ARHGEF18: variants seen among roughly 807,000 people sequenced by gnomAD.
The protein encoded by ARHGEF18 is Rho/Rac guanine nucleotide exchange factor 18.
A neutral mutation model predicts 155.7 loss-of-function variants in ARHGEF18; 93 were observed. The ratio of observed to expected loss-of-function variants is 0.60; its 90% CI spans 0.50 to 0.71. The LOEUF (loss-of-function observed/expected upper bound fraction) is 0.71, where lower values mean the gene tolerates loss of function less well. Ranked by LOEUF, ARHGEF18 falls within the 30% of genes least tolerant of loss-of-function variation. The probability of loss-of-function intolerance (pLI) is 0.00; values close to 1 mark genes in which losing one functional copy is unlikely to be tolerated. For missense variants in ARHGEF18, 1,593 were observed against 1,816.1 expected (o/e 0.88, Z 2.23); for synonymous variants, 742 against 753.1 (o/e 0.99, Z 0.24).
At position 7,464,604 on chromosome 19, in the gene ARHGEF18, C is replaced by T. The variant is rs750656837; in HGVS notation, c.2818C>T (p.Arg940Ter). 7 of 1,613,834 alleles carry T rather than the reference C, an allele frequency of 4.3e-6. No homozygotes were observed. The highest frequency in any genetic ancestry group is 1.1e-5 in the South Asian group (1 of 91,068). Residue 940 changes from arginine to a stop codon, truncating the protein, a stop_gained, in exon 23 of 29, where the codon CGA (arginine) becomes TGA (stop). Coordinates refer to ENST00000668164, the MANE Select transcript of ARHGEF18 (RefSeq NM_001367823.1). LOFTEE classifies it high-confidence loss of function. ...AGTCAGCAGCACTGACCCCAGGCCC[C>T]GAGACTGGCGAGGCCCCCCAAACAG... ...KKVSSTDPRP[R>*]DWRGPPNSPD...
chr19:7,404,652 G>T (rs1310430960), intron 10 of ARHGEF18, among the ~76,000 whole-genome samples: 1 of 151,854 alleles, frequency 6.6e-6, no homozygotes, highest in Non-Finnish European at 1.5e-5. Flanking sequence ...TAGAGATGGG[G>T]TTTTGCCATG....
chr19:7,362,610 G>A (rs565521436), intron 1 of ARHGEF18, among the ~76,000 whole-genome samples, 171 bp from the exon 2 acceptor site: 7 of 152,248 alleles, frequency 4.6e-5, no homozygotes, highest in East Asian at 3.9e-4. Context: ...GAGGTGACAC[G>A]TATGTTGGCT....
At chr19:7,353,708 T>A (rs1018030788) in intron 1 of ARHGEF18, among the ~76,000 whole-genome samples, 5 of 151,932 alleles carry the variant, frequency 3.3e-5, no homozygotes, top group South Asian at 2.1e-4. Flanking sequence ...ATCCCAGTAC[T>A]TTCGGAGGCC....
At chr19:7,421,460 A>G (rs1427698061) in intron 10 of ARHGEF18, among the ~76,000 whole-genome samples, 1 of 152,134 alleles carries the variant, frequency 6.6e-6, no homozygotes, top group South Asian at 2.1e-4. Flanking sequence ...ACTGCTCCCA[A>G]ATAGATATCC....
rs1970604327 is a variant in ARHGEF18 at position 7,379,114 on chromosome 19, C to T, written c.600-8C>T. The T allele has an allele frequency of 8.1e-7, 1 of 1,232,368 alleles. No individual in the cohort carries two copies. The highest frequency in any genetic ancestry group is 1.0e-6 in the Non-Finnish European group (1 of 988,198). The allele number at this position is 1,232,368 out of a possible 1,614,324, so 76.3% of individuals were successfully genotyped here. On this transcript the variant is annotated splice_polypyrimidine_tract_variant and splice_region_variant and intron_variant, in intron 6 of 28. Coordinates refer to ENST00000668164, the MANE Select transcript of ARHGEF18 (RefSeq NM_001367823.1). ...TGGGCTGTTCTAATCCCACCTCCACCCCCACAGGCTGATTGTCCAGCAGGT... is the reference window on the plus strand; with the variant it reads ...TGGGCTGTTCTAATCCCACCTCCACTCCCACAGGCTGATTGTCCAGCAGGT...
At chr19:7,437,378 C>T (rs1215811757) in intron 10 of ARHGEF18, among the ~76,000 whole-genome samples, 3 of 150,176 alleles carry the variant, frequency 2.0e-5, no homozygotes, top group Non-Finnish European at 3.0e-5. Flanking sequence ...GCTGAGATCA[C>T]GCCATTGCAC....
At chr19:7,400,662 T>C (rs1223983242) in intron 10 of ARHGEF18, among the ~76,000 whole-genome samples, 1 of 152,088 alleles carries the variant, frequency 6.6e-6, no homozygotes, top group Non-Finnish European at 1.5e-5. Context: ...GCAAGAATCC[T>C]ATCTCTACAA....
At chr19:7,375,383 A>AGG (rs1400626684) in intron 3 of ARHGEF18, among the ~76,000 whole-genome samples, 1,223 of 114,950 alleles carry the variant, frequency 0.011, 25 homozygotes, top group African/African-American at 0.033. Context: ...GGAAGAAAGA[A>AGG]AAGGAAGGAA....
rs1457648888 is a variant in ARHGEF18, at chr19:7,467,412, T to G, written c.3208T>G (p.Trp1070Gly). The change falls in exon 26 of 29, where the codon TGG becomes GGG. Residue 1070 changes from tryptophan to glycine, a missense_variant. Trp to Gly is a radical substitution (Grantham distance 184). Transcript: ENST00000668164. ...QSQLRHEQQR[W>G]ERERQWQHQE... ...CCAGCTGCGGCACGAGCAGCAGCGCTGGGAGCGCGAGCGCCAGTGGCAGCA... is the reference window on the plus strand; with the variant it reads ...CCAGCTGCGGCACGAGCAGCAGCGCGGGGAGCGCGAGCGCCAGTGGCAGCA... 2.7e-5 allele frequency: 42 copies of G among 1,532,462 alleles called. No homozygotes were observed. The highest frequency in any genetic ancestry group is 3.5e-5 in the Non-Finnish European group (40 of 1,145,654). 94.9% of individuals were successfully genotyped at this position (1,532,462 alleles called of 1,614,324 possible). A position where few individuals can be genotyped will look rare whatever the true frequency, so the allele number is the denominator to read the frequency against.
At chr19:7,433,955 G>A (rs1974110754) in intron 10 of ARHGEF18, among the ~76,000 whole-genome samples, 1 of 150,722 alleles carries the variant, frequency 6.6e-6, no homozygotes, top group South Asian at 2.1e-4. Context: ...GGAGGCGGAG[G>A]TTGCAGTGAA....
intron 10 of ARHGEF18, among the ~76,000 whole-genome samples, chr19:7,387,207 C>T (rs1429356357): frequency 1.3e-5 from 2 of 152,078 alleles, no homozygotes; most frequent in South Asian, 2.1e-4. Flanking sequence ...GGCTGGAGTA[C>T]GGTGGCGCGA....
At chr19:7,363,777 G>A (rs1267484517) in intron 2 of ARHGEF18, among the ~76,000 whole-genome samples, 1 of 151,484 alleles carries the variant, frequency 6.6e-6, no homozygotes, top group African/African-American at 2.4e-5. Context: ...AAGGAGGATG[G>A]ATAAATGAAA....
chr19:7,455,544 C>G (rs1975774775), intron 17 of ARHGEF18, among the ~76,000 whole-genome samples: 1 of 152,180 alleles, frequency 6.6e-6, no homozygotes, highest in African/African-American at 2.4e-5. Context: ...GGGACTGAGA[C>G]CACCCCTGGC....
At chr19:7,476,018 T>C (rs1419856152), downstream of ARHGEF18, among the ~76,000 whole-genome samples, 1 of 152,304 alleles carries the variant, frequency 6.6e-6, no homozygotes, top group East Asian at 1.9e-4. Context: ...TCCCAGCTGC[T>C]CAGAGCCACC....
At chr19:7,410,055 T>G (rs1195035728) in intron 10 of ARHGEF18, among the ~76,000 whole-genome samples, 2 of 151,782 alleles carry the variant, frequency 1.3e-5, no homozygotes, top group Non-Finnish European at 2.9e-5. Context: ...CCCAAAGTGC[T>G]GGGATTACAG....
intron 10 of ARHGEF18, among the ~76,000 whole-genome samples, chr19:7,399,898 A>T (rs1971943991): frequency 6.6e-6 from 1 of 151,062 alleles, no homozygotes; most frequent in Admixed American, 6.6e-5. Context: ...TCAGCCTCCC[A>T]AGGAGCTAGG....
intron 3 of ARHGEF18, among the ~76,000 whole-genome samples, chr19:7,374,426 C>T (rs1970340420): frequency 6.6e-6 from 1 of 152,076 alleles, no homozygotes; most frequent in Non-Finnish European, 1.5e-5. Flanking sequence ...CCTATAATCC[C>T]AGCACTTTGG....
At chr19:7,372,004 C>T (rs1226152340) in intron 2 of ARHGEF18, among the ~76,000 whole-genome samples, 2 of 152,234 alleles carry the variant, frequency 1.3e-5, no homozygotes, top group Non-Finnish European at 2.9e-5. Context: ...TGCCTCCTGC[C>T]GGCAAAGATC....
At chr19:7,374,503 C>A (rs909511643) in intron 3 of ARHGEF18, among the ~76,000 whole-genome samples, 8 of 151,902 alleles carry the variant, frequency 5.3e-5, no homozygotes, top group African/African-American at 1.7e-4. Flanking sequence ...CATGGCAAAA[C>A]CCCCTGTCTA....
Sources: gnomAD v4.1 joint callset for allele counts (sites outside exome capture counted in the v4.1 genomes callset) on GRCh38, gnomAD v4.1.1 for gene constraint, MANE v1.5 for transcripts, NCBI Gene and HGNC (gene_info 2026-07-23, HGNC 2026-07-21) for gene names.